The following OSMR variants were observed in gnomAD, a reference collection of about 807,000 sequenced individuals.
OSMR encodes oncostatin-M-specific receptor subunit beta.
In OSMR, 81 loss-of-function variants were observed where a neutral mutation model predicts 99.9. The ratio of observed to expected loss-of-function variants is 0.81; its 90% CI spans 0.68 to 0.97. The LOEUF (loss-of-function observed/expected upper bound fraction) is 0.97, where lower values mean the gene tolerates loss of function less well. Among genes scored for constraint, OSMR ranks in the 50% least tolerant of loss-of-function variants. The pLI, the probability that OSMR is intolerant of heterozygous loss-of-function variation, is 0.00. For synonymous variants in OSMR, 406 were observed against 410.4 expected (o/e 0.99, Z 0.13); for missense variants, 1,099 against 1,153.4 (o/e 0.95, Z 0.68).
intron 1 of OSMR, among the ~76,000 whole-genome samples, chr5:38,856,894 G>A (rs567235657): frequency 5.3e-5 from 8 of 152,166 alleles, no homozygotes; most frequent in Non-Finnish European, 1.2e-4. Context: ...CTCCAGCCTC[G>A]GCCTCCCAAA....
intron 7 of OSMR, among the ~76,000 whole-genome samples, chr5:38,890,658 G>T (rs1478770874): frequency 6.8e-6 from 1 of 147,214 alleles, no homozygotes; most frequent in Non-Finnish European, 1.5e-5. Context: ...ACTTCTGATT[G>T]ACTTTTGAAA....
intron 7 of OSMR, among the ~76,000 whole-genome samples, chr5:38,900,405 C>T (rs1017854457): frequency 1.3e-5 from 2 of 152,158 alleles, no homozygotes; most frequent in Non-Finnish European, 2.9e-5. Flanking sequence ...CTTGACTTTT[C>T]AGTCTTATGA....
intron 11 of OSMR, among the ~76,000 whole-genome samples, chr5:38,920,290 G>A (rs977991909): frequency 2.6e-5 from 4 of 152,184 alleles, no homozygotes; most frequent in African/African-American, 9.7e-5. Flanking sequence ...CATGTACTAT[G>A]AGAAAACCAG....
chr5:38,903,830 C>G, intron 7 of OSMR, 52 bp from the exon 8 acceptor site: 2 of 1,579,194 alleles, frequency 1.3e-6, no homozygotes, highest in Non-Finnish European at 1.7e-6. Flanking sequence ...TTACCAATGT[C>G]TTTTTGGATC....
intron 15 of OSMR, among the ~76,000 whole-genome samples, chr5:38,931,132 T>C (rs1181256364): frequency 6.6e-6 from 1 of 152,190 alleles, no homozygotes; most frequent in Non-Finnish European, 1.5e-5. Context: ...CCAGTTGACA[T>C]ATTGGAGAAA....
intron 1 of OSMR, among the ~76,000 whole-genome samples, chr5:38,942,670 G>A (rs1393696673): frequency 6.6e-6 from 1 of 151,206 alleles, no homozygotes; most frequent in East Asian, 1.9e-4. Context: ...TGCCCAGGCT[G>A]GTCTTGAATT....
chr5:38,899,755 C>T (rs1281024903), intron 7 of OSMR, among the ~76,000 whole-genome samples: 4 of 152,130 alleles, frequency 2.6e-5, no homozygotes, highest in Admixed American at 2.6e-4. Flanking sequence ...GGTGCCCTGT[C>T]CTACTTTGGA....
chr5:38,857,831 C>A (rs1194641328), intron 1 of OSMR, among the ~76,000 whole-genome samples: 1 of 151,978 alleles, frequency 6.6e-6, no homozygotes, highest in African/African-American at 2.4e-5. Context: ...CCATGCCTGG[C>A]TAATTTTTGT....
In OSMR at chr5:38,862,265, C is replaced by T. The variant is rs1306458913; in HGVS notation, c.-13-6767C>T. Among the ~76,000 whole-genome samples the T allele has an allele frequency of 2.7e-5, 3 of 111,230 alleles. 1 individual carries two copies. The East Asian group carries it at 1.5e-3, about 57-fold the overall frequency. 73.0% of individuals were successfully genotyped at this position (111,230 alleles called of 152,430 possible). A position where few individuals can be genotyped will look rare whatever the true frequency, so the allele number is the denominator to read the frequency against. On this transcript the variant is annotated intron_variant, in intron 1 of 17. Coordinates refer to ENST00000274276, the MANE Select transcript of OSMR (RefSeq NM_003999.3). ...GGGGGCTGACCCCCTACCTCCCTCC[C>T]GGACGGGGCGGCTGGCTGGGCGGGG...
At chr5:38,865,940 G>C (rs979040392) in intron 1 of OSMR, among the ~76,000 whole-genome samples, 1 of 152,240 alleles carries the variant, frequency 6.6e-6, no homozygotes, top group African/African-American at 2.4e-5. Context: ...ACTGTGTGCA[G>C]GTGGGTTCTG....
chr5:38,855,820 C>T (rs1470288602), intron 1 of OSMR, among the ~76,000 whole-genome samples: 1 of 151,948 alleles, frequency 6.6e-6, no homozygotes, highest in Non-Finnish European at 1.5e-5. Flanking sequence ...AACCAGACCA[C>T]GTTACTCCTC....
rs1029124658 is a variant in OSMR, at chr5:38,923,855, C to T, written c.1871-567C>T. On this transcript the variant is annotated intron_variant, in intron 13 of 17. Transcript: ENST00000274276. ...CAGGAGGTGTGTGACCTTGTGTGCACGGTCCAAGTGTGCATAAGCGTGTGT... is the reference window on the plus strand; with the variant it reads ...CAGGAGGTGTGTGACCTTGTGTGCATGGTCCAAGTGTGCATAAGCGTGTGT... Among the ~76,000 whole-genome samples the T allele has an allele frequency of 3.3e-5, 5 of 152,150 alleles. No homozygotes were observed. The East Asian group carries it at 5.8e-4, about 18-fold the overall frequency.
intron 11 of OSMR, 105 bp from the exon 12 acceptor site, chr5:38,921,510 A>G (rs1746231982): frequency 6.4e-7 from 1 of 1,567,566 alleles, no homozygotes; most frequent in Non-Finnish European, 8.6e-7. Context: ...GAGGTCTGTT[A>G]CCTACTAGAT....
intron 2 of OSMR, among the ~76,000 whole-genome samples, chr5:38,869,799 T>G (rs1742240311): frequency 1.3e-5 from 2 of 152,206 alleles, no homozygotes; most frequent in African/African-American, 2.4e-5. Context: ...ATCTTAGACT[T>G]GAGTTTCTAT....
chr5:38,879,440 C>T (rs1032909945), intron 3 of OSMR, among the ~76,000 whole-genome samples: 13 of 152,088 alleles, frequency 8.5e-5, no homozygotes, highest in Non-Finnish European at 1.5e-4. Context: ...GATGTGTGGC[C>T]GCTAGGAAGC....
chr5:38,858,251 G>T (rs1370558148), intron 1 of OSMR, among the ~76,000 whole-genome samples: 1 of 151,252 alleles, frequency 6.6e-6, no homozygotes, highest in Non-Finnish European at 1.5e-5. Flanking sequence ...CCTGTTGACT[G>T]CCCCCTTCCT....
chr5:38,929,687 G>A (rs1033310580), intron 15 of OSMR, among the ~76,000 whole-genome samples: 1 of 152,160 alleles, frequency 6.6e-6, no homozygotes, highest in African/African-American at 2.4e-5. Flanking sequence ...TACCTTAGAT[G>A]TGAGAGCCTT....
intron 7 of OSMR, among the ~76,000 whole-genome samples, chr5:38,900,467 A>G (rs1416428765): frequency 6.6e-6 from 1 of 152,140 alleles, no homozygotes; most frequent in Non-Finnish European, 1.5e-5. Flanking sequence ...AGGTGGGACA[A>G]TCGATGGAGC....
intron 9 of OSMR, among the ~76,000 whole-genome samples, chr5:38,906,241 GTTT>G (rs1443923813): frequency 6.6e-6 from 1 of 151,782 alleles, no homozygotes; most frequent in East Asian, 1.9e-4. Context: ...AAAGAATAGA[GTTT>G]CTTTTAGATT....
Sources: gnomAD v4.1 joint callset for allele counts (sites outside exome capture counted in the v4.1 genomes callset) on GRCh38, gnomAD v4.1.1 for gene constraint, MANE v1.5 for transcripts, NCBI Gene and HGNC (gene_info 2026-07-23, HGNC 2026-07-21) for gene names.